The following FBXO4 variants were observed in gnomAD, a reference collection of about 807,000 sequenced individuals.
FBXO4 encodes the protein F-box only protein 4.
A neutral mutation model predicts 43.7 loss-of-function variants in FBXO4; 36 were observed. The ratio of observed to expected loss-of-function variants is 0.82; its 90% confidence interval spans 0.63 to 1.09. The LOEUF is 1.09. Ranked by LOEUF, FBXO4 falls within the 50% of genes least tolerant of loss-of-function variation. FBXO4 has a pLI of 0.00. For missense variants in FBXO4, 435 were observed against 474.1 expected (o/e 0.92, Z 0.77); for synonymous variants, 180 against 165.6 (o/e 1.09, Z -0.67).
chr5:41,997,899 G>C, the FBXO4 span, among the ~76,000 whole-genome samples: 1 of 152,132 alleles, frequency 6.6e-6, no homozygotes, highest in Non-Finnish European at 1.5e-5. Flanking sequence ...TCATTCAAAG[G>C]GTTCTAGGCC....
At chr5:41,956,404 AT>A in the FBXO4 span, among the ~76,000 whole-genome samples, 1 of 152,228 alleles carries the variant, frequency 6.6e-6, no homozygotes, top group Non-Finnish European at 1.5e-5. Context: ...AATATATTTT[AT>A]ATCCAAATGA....
chr5:41,941,018 G>A (rs1198831500), intron 6 of FBXO4, among the ~76,000 whole-genome samples, 174 bp from the exon 7 acceptor site: 4 of 152,114 alleles, frequency 2.6e-5, no homozygotes, highest in African/African-American at 9.7e-5. Flanking sequence ...CAAGAGAGAT[G>A]ATCATATTTT....
chr5:41,995,553 TG>T, the FBXO4 span, among the ~76,000 whole-genome samples: 1 of 152,216 alleles, frequency 6.6e-6, no homozygotes, highest in Non-Finnish European at 1.5e-5. Flanking sequence ...ATGGCCACTT[TG>T]TTCATGGGCC....
the FBXO4 span, chr5:41,968,158 A>C: frequency 1.2e-4 from 31 of 257,900 alleles, no homozygotes; most frequent in East Asian, 2.7e-3. Flanking sequence ...CTGACTGCAA[A>C]GGCAACAATT....
At chr5:41,983,641 C>T in the FBXO4 span, among the ~76,000 whole-genome samples, 2 of 151,930 alleles carry the variant, frequency 1.3e-5, no homozygotes. Context: ...TTTAACTTAT[C>T]TGTGCTATTT....
Position 41,934,140 on chromosome 5 carries a change from A to C in FBXO4, c.730A>C (p.Arg244=). ...TTACAATTTTTTTTCTAGAAAGGAA[A>C]GAGATAGAGCAAGGGAAGAGCATAC... ...LILYSTTRKE[R]DRAREEHTSA... Residue 244 remains arginine (R), a synonymous_variant, in exon 5 of 7, where the codon AGA becomes CGA. Transcript: ENST00000281623. 1 of 1,614,010 alleles carries C rather than the reference A, an allele frequency of 6.2e-7. No individual in the cohort carries two copies. Among genetic ancestry groups the C allele is most frequent in the Non-Finnish European group, 8.5e-7 (1 of 1,179,950 alleles).
chr5:41,994,040 T>C, the FBXO4 span, among the ~76,000 whole-genome samples: 2 of 152,084 alleles, frequency 1.3e-5, no homozygotes, highest in Non-Finnish European at 2.9e-5. Context: ...CGCTCAGAAT[T>C]AACCATCACA....
chr5:41,953,118 G>A, the FBXO4 span, among the ~76,000 whole-genome samples: 2 of 151,870 alleles, frequency 1.3e-5, no homozygotes, highest in African/African-American at 2.4e-5. Flanking sequence ...TTAGCATTAG[G>A]TATATCTCCT....
the FBXO4 span, among the ~76,000 whole-genome samples, chr5:41,963,677 AATC>A: frequency 6.6e-6 from 1 of 152,236 alleles, no homozygotes; most frequent in Admixed American, 6.5e-5. Context: ...AGTGGAAGTG[AATC>A]ATCATAAAAT....
At chr5:42,010,919 C>T in the FBXO4 span, among the ~76,000 whole-genome samples, 2 of 151,828 alleles carry the variant, frequency 1.3e-5, no homozygotes, top group African/African-American at 4.8e-5. Flanking sequence ...GATACATGTG[C>T]AGAACCTGCA....
chr5:41,975,434 GA>G, the FBXO4 span, among the ~76,000 whole-genome samples: 1 of 152,138 alleles, frequency 6.6e-6, no homozygotes, highest in Non-Finnish European at 1.5e-5. Flanking sequence ...TTGTTCTACT[GA>G]AGCAAGAGAT....
chr5:41,965,316 A>G, the FBXO4 span, among the ~76,000 whole-genome samples: 2 of 152,124 alleles, frequency 1.3e-5, no homozygotes, highest in African/African-American at 4.8e-5. Flanking sequence ...GTCAGGTAGC[A>G]TGATGCCTCC....
At chr5:41,937,120 A>G (rs1751872175) in intron 5 of FBXO4, among the ~76,000 whole-genome samples, 1 of 152,200 alleles carries the variant, frequency 6.6e-6, no homozygotes, top group Admixed American at 6.5e-5. Context: ...TGAACAGATA[A>G]TGGCCAGAAT....
the FBXO4 span, among the ~76,000 whole-genome samples, chr5:41,951,052 G>A: frequency 2.0e-5 from 3 of 152,096 alleles, no homozygotes; most frequent in South Asian, 2.1e-4. Flanking sequence ...TCACACACCG[G>A]GGCCTGTTGG....
At chr5:41,991,932 G>T in the FBXO4 span, among the ~76,000 whole-genome samples, 3 of 152,120 alleles carry the variant, frequency 2.0e-5, no homozygotes, top group African/African-American at 7.2e-5. Context: ...TACAAAATTA[G>T]CCAGGCGTGG....
chr5:41,968,847 A>C, the FBXO4 span, among the ~76,000 whole-genome samples: 1,426 of 152,206 alleles, frequency 9.4e-3, 34 homozygotes, highest in African/African-American at 0.033. Context: ...TCATGTTTTG[A>C]AAATTGCAGG....
chr5:41,937,721 C>G (rs900048320), intron 5 of FBXO4, among the ~76,000 whole-genome samples: 3 of 152,226 alleles, frequency 2.0e-5, no homozygotes, highest in African/African-American at 7.2e-5. Context: ...GCACCAGCAT[C>G]TGGTGTCTGG....
the FBXO4 span, among the ~76,000 whole-genome samples, chr5:41,980,691 T>C: frequency 3.9e-5 from 6 of 152,064 alleles, no homozygotes; most frequent in Admixed American, 1.3e-4. Context: ...TCTTTGTGAA[T>C]TAAAGAGCAT....
the FBXO4 span, among the ~76,000 whole-genome samples, chr5:41,997,816 T>C: frequency 6.6e-6 from 1 of 152,068 alleles, no homozygotes; most frequent in South Asian, 2.1e-4. Flanking sequence ...TGGGGAAGAA[T>C]GGGAAAAAGA....
Sources: gnomAD v4.1 joint callset for allele counts (sites outside exome capture counted in the v4.1 genomes callset) on GRCh38, gnomAD v4.1.1 for gene constraint, MANE v1.5 for transcripts, NCBI Gene and HGNC (gene_info 2026-07-23, HGNC 2026-07-21) for gene names.